C5orf47: variants seen among roughly 807,000 people sequenced by gnomAD.
The protein encoded by C5orf47 is chromosome 5 open reading frame 47, also known as uncharacterized protein C5orf47.
A neutral mutation model predicts 20.6 loss-of-function variants in C5orf47; 20 were observed. That is an observed-to-expected ratio of 0.97 (90% CI 0.68 to 1.41). The LOEUF is 1.41. C5orf47 is among the 40% of genes most tolerant of loss of function. C5orf47 has a pLI of 0.00. For missense variants in C5orf47, 262 were observed against 238.4 expected (o/e 1.10, Z -0.65); for synonymous variants, 106 against 97.3 (o/e 1.09, Z -0.53).
At chr5:174,002,458 G>T (rs1759216239) in intron 4 of C5orf47, among the ~76,000 whole-genome samples, 1 of 152,046 alleles carries the variant, frequency 6.6e-6, no homozygotes, top group Non-Finnish European at 1.5e-5. Flanking sequence ...ATGAAGAGAT[G>T]GAATATTTTC....
chr5:173,999,854 G>T, intron 3 of C5orf47, 55 bp downstream of exon 3: 1 of 901,936 alleles, frequency 1.1e-6, no homozygotes. Context: ...TAACAGTTTA[G>T]TTATCCTGGG....
At chr5:173,995,678 G>A (rs533853273) in intron 1 of C5orf47, among the ~76,000 whole-genome samples, 17 of 152,366 alleles carry the variant, frequency 1.1e-4, no homozygotes, top group African/African-American at 3.8e-4. Flanking sequence ...ACATTGAACA[G>A]AGATGACTTG....
chr5:174,002,847 C>T (rs1759223538), intron 4 of C5orf47, among the ~76,000 whole-genome samples: 1 of 151,952 alleles, frequency 6.6e-6, no homozygotes, highest in South Asian at 2.1e-4. Flanking sequence ...TTTGGTCTTC[C>T]TTAATCTGTA....
At chr5:174,009,111 A>G (rs1561651471), downstream of C5orf47, among the ~76,000 whole-genome samples, 2 of 152,136 alleles carry the variant, frequency 1.3e-5, no homozygotes, top group Non-Finnish European at 2.9e-5. Context: ...TGCACTAGCT[A>G]GAAATGCCCG....
intron 2 of C5orf47, 43 bp from the exon 3 acceptor site, chr5:173,999,657 A>G (rs1462426974): frequency 7.4e-6 from 7 of 940,006 alleles, no homozygotes; most frequent in South Asian, 3.8e-5. Flanking sequence ...ATATATTCCT[A>G]CTTTTCTGCT....
At chr5:174,002,696 A>G (rs1010165951) in intron 4 of C5orf47, among the ~76,000 whole-genome samples, 29 of 152,150 alleles carry the variant, frequency 1.9e-4, no homozygotes, top group African/African-American at 7.0e-4. Flanking sequence ...GAAATTGAAC[A>G]TCAATATCAA....
intron 2 of C5orf47, among the ~76,000 whole-genome samples, chr5:173,998,885 G>C (rs987671755): frequency 6.6e-6 from 1 of 152,150 alleles, no homozygotes; most frequent in Non-Finnish European, 1.5e-5. Context: ...TTTGATATCC[G>C]TGTATGGTAT....
chr5:173,998,799 C>T (rs997927254), intron 2 of C5orf47, among the ~76,000 whole-genome samples: 3 of 152,120 alleles, frequency 2.0e-5, no homozygotes, highest in Admixed American at 6.5e-5. Flanking sequence ...TTCACAGCAT[C>T]GTTTATATTC....
intron 3 of C5orf47, among the ~76,000 whole-genome samples, chr5:174,000,507 C>T (rs985585259): frequency 1.3e-5 from 2 of 152,076 alleles, no homozygotes; most frequent in Non-Finnish European, 2.9e-5. Context: ...TTTAACATGT[C>T]TTTCTTTCCT....
At chr5:173,991,507 GTTTT>G (rs553188666) in intron 1 of C5orf47, among the ~76,000 whole-genome samples, 1 of 137,802 alleles carries the variant, frequency 7.3e-6, no homozygotes, top group Admixed American at 7.2e-5. Context: ...TTCAGTGTTT[GTTTT>G]TTTTTTTTTA....
intron 1 of C5orf47, among the ~76,000 whole-genome samples, chr5:173,991,150 G>A (rs1440496159): frequency 6.6e-6 from 1 of 152,008 alleles, no homozygotes; most frequent in African/African-American, 2.4e-5. Flanking sequence ...TTTTGTGACT[G>A]GCTTTTTTCA....
intron 1 of C5orf47, 82 bp downstream of exon 1, chr5:173,989,670 C>G: frequency 8.3e-7 from 1 of 1,207,708 alleles, no homozygotes; most frequent in Non-Finnish European, 1.1e-6. Flanking sequence ...CGCCATCTTG[C>G]GGCACGCAGG....
chr5:174,006,490 CA>C (rs1759295468), downstream of C5orf47, among the ~76,000 whole-genome samples: 1 of 152,024 alleles, frequency 6.6e-6, no homozygotes, highest in African/African-American at 2.4e-5. Context: ...AGAAAAAAAA[CA>C]AACAGTGGAA....
intron 4 of C5orf47, among the ~76,000 whole-genome samples, chr5:174,001,947 C>CTTTTTTTTTTTTTT (rs531174254): frequency 7.0e-6 from 1 of 143,540 alleles, no homozygotes; most frequent in Non-Finnish European, 1.5e-5. Context: ...TATCTTTTTT[C>CTTTTTTTTTTTTTT]TTTTTTTTTT....
Position 173,989,351 on chromosome 5 carries a change from C to T in C5orf47, c.88C>T (p.Leu30=). Residue 30 remains leucine, a synonymous_variant, in exon 1 of 5, where the codon CTG becomes TTG. Coordinates refer to ENST00000340147, the MANE Select transcript of C5orf47 (RefSeq NM_001144954.2). ...RFGSHQCSGV[L]QLGGRGAQGL... ...CGGCTCGCATCAGTGCAGTGGCGTC[C>T]TGCAACTGGGCGGCCGTGGAGCTCA... is the stretch of plus-strand genomic sequence containing the variant. The T allele has an allele frequency of 6.6e-7, 1 of 1,504,684 alleles. No individual in the cohort carries two copies. The highest frequency in any genetic ancestry group is 8.9e-7 in the Non-Finnish European group (1 of 1,122,868). 93.2% of individuals were successfully genotyped at this position (1,504,684 alleles called of 1,614,324 possible). A position where few individuals can be genotyped will look rare whatever the true frequency, so the allele number is the denominator to read the frequency against.
chr5:173,998,322 A>T, intron 2 of C5orf47, 84 bp downstream of exon 2: 1 of 679,732 alleles, frequency 1.5e-6, no homozygotes, highest in Non-Finnish European at 2.5e-6. Context: ...TATTCAAGAC[A>T]GTGAAAATAG....
intron 1 of C5orf47, among the ~76,000 whole-genome samples, 182 bp from the exon 2 acceptor site, chr5:173,997,971 T>C (rs1759128167): frequency 6.6e-6 from 1 of 152,154 alleles, no homozygotes; most frequent in Non-Finnish European, 1.5e-5. Context: ...TATGTCTAGT[T>C]TTCTTGGTTG....
At chr5:173,994,164 A>G (rs1042226979) in intron 1 of C5orf47, among the ~76,000 whole-genome samples, 1 of 152,196 alleles carries the variant, frequency 6.6e-6, no homozygotes, top group South Asian at 2.1e-4. Flanking sequence ...TGTGCAGTGC[A>G]TGGTCTGTCG....
chr5:174,000,301 T>C (rs559440286), intron 3 of C5orf47, among the ~76,000 whole-genome samples: 2 of 152,250 alleles, frequency 1.3e-5, no homozygotes, highest in South Asian at 4.1e-4. Flanking sequence ...AACTCATGAA[T>C]TAAACCGTGC....
Sources: gnomAD v4.1 joint callset for allele counts (sites outside exome capture counted in the v4.1 genomes callset) on GRCh38, gnomAD v4.1.1 for gene constraint, MANE v1.5 for transcripts, NCBI Gene and HGNC (gene_info 2026-07-23, HGNC 2026-07-21) for gene names.